Variants in RBP4 observed in about 807,000 individuals in gnomAD.
RBP4 encodes retinol binding protein 4.
RBP4 carries 9 observed loss-of-function variants against 26.2 expected under a neutral mutation model. The ratio of observed to expected loss-of-function variants is 0.34; its 90% confidence interval spans 0.21 to 0.60. The LOEUF is 0.60. Among genes scored for constraint, RBP4 ranks in the 20% least tolerant of loss-of-function variants. The pLI is 0.80. For synonymous variants in RBP4, 114 were observed against 111.0 expected (o/e 1.03, Z -0.17); for missense variants, 244 against 271.3 (o/e 0.90, Z 0.71).
intron 2 of RBP4, 52 bp downstream of exon 2, chr10:93,600,866 C>A: frequency 2.4e-6 from 1 of 419,210 alleles, no homozygotes; most frequent in Non-Finnish European, 4.7e-6. Context: ...GCGGGGAGGG[C>A]GGGGATGGGG....
chr10:93,595,139 A>G (rs921781117), intron 4 of RBP4, among the ~76,000 whole-genome samples: 1 of 152,166 alleles, frequency 6.6e-6, no homozygotes, highest in Non-Finnish European at 1.5e-5. Flanking sequence ...TTCTGTCTTA[A>G]AAAAATAAAA....
rs2058337217 is a variant in RBP4, at chr10:93,601,216, G to T, written c.-64C>A. 3.9e-6 allele frequency: 5 copies of T among 1,298,080 alleles called. No homozygotes were observed. Among genetic ancestry groups the T allele is most frequent in the Non-Finnish European group, 4.9e-6 (5 of 1,030,668 alleles). 80.4% of individuals were successfully genotyped at this position (1,298,080 alleles called of 1,614,324 possible). On this transcript the variant is annotated 5_prime_UTR_variant, in exon 1 of 6. Transcript: ENST00000371464. ...GCAAGCCTGGCCGCCGAGTCCGGGC[G>T]CGCGTGGAGCGAGGGAGGCGAGCGC...
intron 4 of RBP4, among the ~76,000 whole-genome samples, chr10:93,596,429 G>A (rs2058303413): frequency 6.6e-6 from 1 of 152,166 alleles, no homozygotes; most frequent in African/African-American, 2.4e-5. Flanking sequence ...AAGAGTATTT[G>A]CAAGAGATGA....
At position 93,600,810 on chromosome 10, in the gene RBP4, G is replaced by A; in HGVS notation, c.112-7C>T. On this transcript the variant is annotated splice_region_variant and splice_polypyrimidine_tract_variant and intron_variant, in intron 2 of 5. Coordinates refer to ENST00000371464, the MANE Select transcript of RBP4 (RefSeq NM_006744.4). ...CGTACCAGGTCCCAGAGAACTGTGA[G>A]AAGGATGACAGCAGGGGTTTGGCGT... 6.5e-7 allele frequency: 1 copy of A among 1,534,792 alleles called. No individual in the cohort carries two copies. The highest frequency in any genetic ancestry group is 1.1e-5 in the South Asian group (1 of 89,374).
upstream of RBP4, chr10:93,601,717 C>A (rs375203480): frequency 1.4e-5 from 11 of 778,472 alleles, no homozygotes; most frequent in African/African-American, 1.2e-4. Context: ...AATAATTCAT[C>A]CAAGTAGTTT....
intron 4 of RBP4, among the ~76,000 whole-genome samples, chr10:93,600,046 G>A (rs1370942615): frequency 6.6e-6 from 1 of 152,192 alleles, no homozygotes; most frequent in African/African-American, 2.4e-5. Flanking sequence ...CCAAAGAGAC[G>A]GAGGAAATGC....
At chr10:93,601,669 C>A (rs542970357), upstream of RBP4, 1 of 778,768 alleles carries the variant, frequency 1.3e-6, no homozygotes, top group African/African-American at 1.7e-5. Flanking sequence ...TTGGCGCCTC[C>A]GTCTGCCTTC....
chr10:93,596,456 G>A (rs556273341), intron 4 of RBP4, among the ~76,000 whole-genome samples: 51 of 152,302 alleles, frequency 3.3e-4, no homozygotes, highest in African/African-American at 1.1e-3. Flanking sequence ...AGAGCACTGC[G>A]AGAATGAGGT....
Position 93,591,874 on chromosome 10 carries a change from T to G in RBP4, c.*201A>C. The G allele has an allele frequency of 1.7e-6, 1 of 593,836 alleles. No homozygotes were observed. Among genetic ancestry groups the G allele is most frequent in the East Asian group, 2.8e-5 (1 of 35,332 alleles). The allele number at this position is 593,836 out of a possible 1,614,324, so 36.8% of individuals were successfully genotyped here. A position where few individuals can be genotyped will look rare whatever the true frequency, so the allele number is the denominator to read the frequency against. On this transcript the variant is annotated 3_prime_UTR_variant, in exon 6 of 6. Transcript: ENST00000371464. Reference sequence around the variant, plus strand: ...GTGACTATAGTTTAATGAATCAGAGTCTGGAATCTTAAGCCCCAGAAACTT... The same window carrying G: ...GTGACTATAGTTTAATGAATCAGAGGCTGGAATCTTAAGCCCCAGAAACTT...
In RBP4 at chr10:93,601,023, C is replaced by G. The variant is rs1223394124; in HGVS notation, c.6G>C (p.Lys2Asn). The G allele has an allele frequency of 6.2e-7, 1 of 1,610,858 alleles. No homozygotes were observed. Among genetic ancestry groups the G allele is most frequent in the South Asian group, 1.1e-5 (1 of 91,078 alleles). The change falls in exon 2 of 6, where the codon AAG becomes AAC. Residue 2 changes from lysine (K) to asparagine (N), a missense_variant. Transcript: ENST00000371464. ...CCAACAGCAAGAGCGCCCACACCCA[C>G]TTCATCTTGCCCAGGAATCCGCCCT... The part of the protein sequence containing the change: M[K>N]WVWALLLLAA...
intron 2 of RBP4, 53 bp downstream of exon 2, chr10:93,600,865 G>A: frequency 1.2e-6 from 2 of 1,602,034 alleles, no homozygotes; most frequent in Non-Finnish European, 1.7e-6. Flanking sequence ...CGCGGGGAGG[G>A]CGGGGATGGG....
upstream of RBP4, chr10:93,601,441 G>A (rs1438452608): frequency 1.7e-6 from 2 of 1,187,738 alleles, no homozygotes; most frequent in African/African-American, 1.6e-5. Flanking sequence ...GCGGCCGCGC[G>A]GGGTGGCCTC....
At chr10:93,599,822 A>G (rs533046603) in intron 4 of RBP4, among the ~76,000 whole-genome samples, 2 of 152,314 alleles carry the variant, frequency 1.3e-5, no homozygotes, top group East Asian at 3.9e-4. Context: ...CAAGTCCTCA[A>G]CATCACTCCC....
chr10:93,601,264 A>G, upstream of RBP4: 1 of 1,212,160 alleles, frequency 8.2e-7, no homozygotes, highest in African/African-American at 1.6e-5. Context: ...CCGCTGCTTT[A>G]TAGCGCCGGG....
chr10:93,600,542 CT>C lies in RBP4; in HGVS notation c.249-44del, dbSNP rs777433708. The C allele has an allele frequency of 2.5e-6, 4 of 1,612,408 alleles. No individual in the cohort carries two copies. The South Asian group carries it at 4.4e-5, about 18-fold the overall frequency. On this transcript the variant is annotated intron_variant, in intron 3 of 5. Transcript: ENST00000371464. ...ATCCTCAGCCAAGCCGGGCAAAGGGCTTCCTCCCTCCCTCCACCCATTCGGT... is the reference window on the plus strand; with the variant it reads ...ATCCTCAGCCAAGCCGGGCAAAGGGCTCCTCCCTCCCTCCACCCATTCGGT...
chr10:93,594,908 G>A (rs570934099), intron 4 of RBP4, among the ~76,000 whole-genome samples: 1 of 152,328 alleles, frequency 6.6e-6, no homozygotes, highest in East Asian at 1.9e-4. Context: ...GGGAGGCTGA[G>A]GTGGGAGGGT....
chr10:93,599,360 A>G (rs2058321493), intron 4 of RBP4, among the ~76,000 whole-genome samples: 1 of 152,240 alleles, frequency 6.6e-6, no homozygotes, highest in Admixed American at 6.5e-5. Flanking sequence ...CCATATATGG[A>G]GAGCAAAGGG....
chr10:93,594,996 C>G (rs1012335812), intron 4 of RBP4, among the ~76,000 whole-genome samples: 10 of 151,904 alleles, frequency 6.6e-5, no homozygotes, highest in Admixed American at 5.2e-4. Flanking sequence ...AAATAATTAG[C>G]CAGGTGGGGT....
intron 4 of RBP4, among the ~76,000 whole-genome samples, chr10:93,598,412 G>A (rs538648399): frequency 1.2e-4 from 18 of 152,350 alleles, no homozygotes; most frequent in African/African-American, 4.3e-4. Flanking sequence ...CACAAGTAGT[G>A]GTGGAGTTGG....
Sources: gnomAD v4.1 joint callset for allele counts (sites outside exome capture counted in the v4.1 genomes callset) on GRCh38, gnomAD v4.1.1 for gene constraint, MANE v1.5 for transcripts, NCBI Gene and HGNC (gene_info 2026-07-23, HGNC 2026-07-21) for gene names.